ZNF66: variants seen among roughly 807,000 people sequenced by gnomAD.
ZNF66 encodes zinc finger protein 66, also known as putative zinc finger protein 66.
ZNF66 carries 32 observed loss-of-function variants against 35.2 expected under a neutral mutation model. The ratio of observed to expected loss-of-function variants is 0.91; its 90% CI spans 0.69 to 1.22. The LOEUF is 1.22. Among genes scored for constraint, ZNF66 ranks in the 50% most tolerant of loss-of-function variants. The pLI is 0.00. For synonymous variants in ZNF66, 231 were observed against 181.3 expected (o/e 1.27, Z -2.20); for missense variants, 666 against 543.1 (o/e 1.23, Z -2.25).
intron 1 of ZNF66, among the ~76,000 whole-genome samples, chr19:20,786,044 A>G (rs1971284139): frequency 6.6e-6 from 1 of 151,976 alleles, no homozygotes; most frequent in African/African-American, 2.4e-5. Context: ...CTGGGATTAC[A>G]GGTGTGAGTC....
At position 20,807,369 on chromosome 19, in the gene ZNF66, A is replaced by G; in HGVS notation, c.*47A>G. On this transcript the variant is annotated 3_prime_UTR_variant, in exon 4 of 4. Coordinates refer to ENST00000344519, the MANE Select transcript of ZNF66 (RefSeq NM_001355197.2). ...ACATAAGATAATTCATACTGGAGAGAAACCCTATGAGTTTGATGAATGTGG... is the reference window on the plus strand; with the variant it reads ...ACATAAGATAATTCATACTGGAGAGGAACCCTATGAGTTTGATGAATGTGG... The G allele has an allele frequency of 1.7e-6, 1 of 579,180 alleles. No individual in the cohort carries two copies. The highest frequency in any genetic ancestry group is 3.1e-6 in the Non-Finnish European group (1 of 323,136). 35.9% of individuals were successfully genotyped at this position (579,180 alleles called of 1,614,324 possible).
Position 20,805,124 on chromosome 19 carries a change from T to TGA in ZNF66, c.227-702_227-701insAG, listed in dbSNP as rs796709892. Among the ~76,000 whole-genome samples, 1,302 of 144,490 alleles carry TGA rather than the reference T, an allele frequency of 9.0e-3. 9 individuals are homozygous for TGA. Among genetic ancestry groups the TGA allele is most frequent in the Admixed American group, 0.017 (248 of 14,624 alleles). 94.8% of individuals were successfully genotyped at this position (144,490 alleles called of 152,430 possible). ...ATTTACATTTGTGTGTGTGTGTGTG[T>TGA]GTGAGAGAGAGAGAGAGAGAGAGAG... On this transcript the variant is annotated intron_variant, in intron 3 of 3. Coordinates refer to ENST00000344519, the MANE Select transcript of ZNF66 (RefSeq NM_001355197.2).
At chr19:20,797,764 A>G (rs1262988920) in intron 3 of ZNF66, among the ~76,000 whole-genome samples, 1 of 151,806 alleles carries the variant, frequency 6.6e-6, no homozygotes, top group East Asian at 2.0e-4. Context: ...GGGTTTCACC[A>G]TATTGGCCAG....
rs4026921 is a variant in ZNF66 at position 20,807,582 on chromosome 19, CT to C, written c.*275del. Among the ~76,000 whole-genome samples, 27,033 of 142,718 alleles carry C rather than the reference CT, an allele frequency of 0.19. 2,715 individuals are homozygous for C. Among genetic ancestry groups the C allele is most frequent in the African/African-American group, 0.3 (11,841 of 38,862 alleles). 93.6% of individuals were successfully genotyped at this position (142,718 alleles called of 152,430 possible). A position where few individuals can be genotyped will look rare whatever the true frequency, so the allele number is the denominator to read the frequency against. ...AGCCTATAACAATTTTCAATCAATT[CT>C]TTTTTTTTTTTTTTGAGATGAAGTT... On this transcript the variant is annotated 3_prime_UTR_variant, in exon 4 of 4. Transcript: ENST00000344519.
chr19:20,792,047 T>C (rs10413400), intron 1 of ZNF66, among the ~76,000 whole-genome samples: 14,160 of 151,696 alleles, frequency 0.093, 675 homozygotes, highest in Middle Eastern at 0.11. Flanking sequence ...GACAAAATAT[T>C]CTTCTTGGGC....
In ZNF66 at chr19:20,806,141, G is replaced by A. The variant is rs780827402; in HGVS notation, c.541G>A (p.Ala181Thr). The change falls in exon 4 of 4, where the codon GCT (alanine) becomes ACT (threonine). Residue 181 changes from alanine to threonine, a missense_variant. By Grantham distance (58) the Ala-to-Thr change is moderately conservative (BLOSUM62 0). Coordinates refer to ENST00000344519, the MANE Select transcript of ZNF66 (RefSeq NM_001355197.2). ...NPCKFTECGK[A>T]FNRSSTFTTH... ...TTGCAAATTTACAGAATGTGGCAAA[G>A]CTTTTAACCGGTCCTCAACCTTTAC... 7.0e-6 allele frequency: 8 copies of A among 1,136,922 alleles called. No homozygotes were observed. In the South Asian group the frequency reaches 1.0e-4, roughly 14 times the overall value. The allele number at this position is 1,136,922 out of a possible 1,614,324, so 70.4% of individuals were successfully genotyped here. A position where few individuals can be genotyped will look rare whatever the true frequency, so the allele number is the denominator to read the frequency against.
intron 1 of ZNF66, among the ~76,000 whole-genome samples, chr19:20,783,178 G>C (rs1349387406): frequency 2.6e-5 from 4 of 151,930 alleles, no homozygotes; most frequent in Non-Finnish European, 4.4e-5. Context: ...ATTATTTCTG[G>C]GCTCTCTATT....
At chr19:20,790,268 T>G (rs1360671599) in intron 1 of ZNF66, among the ~76,000 whole-genome samples, 1 of 152,156 alleles carries the variant, frequency 6.6e-6, no homozygotes, top group Non-Finnish European at 1.5e-5. Flanking sequence ...CAGGTTCTGT[T>G]TATTGTTCTG....
Position 20,807,269 on chromosome 19 carries a change from A to G in ZNF66, c.1669A>G (p.Ile557Val), listed in dbSNP as rs1432029435. Reference protein sequence around the residue: ...ISSSNLSRHEIIHMGGNPYKC... With the variant: ...ISSSNLSRHEVIHMGGNPYKC... ...ATCCTCAAACCTTAGTAGACATGAG[A>G]TAATTCATATGGGAGGGAATCCCTA... The change falls in exon 4 of 4, where the codon ATA becomes GTA. Residue 557 changes from isoleucine (I) to valine (V), a missense_variant. Ile to Val is a conservative substitution (Grantham distance 29). Coordinates refer to ENST00000344519, the MANE Select transcript of ZNF66 (RefSeq NM_001355197.2). 3 of 684,918 alleles carry G rather than the reference A, an allele frequency of 4.4e-6. No homozygotes were observed. Among genetic ancestry groups the G allele is most frequent in the Non-Finnish European group, 7.9e-6 (3 of 381,652 alleles). 42.4% of individuals were successfully genotyped at this position (684,918 alleles called of 1,614,324 possible).
intron 1 of ZNF66, among the ~76,000 whole-genome samples, chr19:20,789,622 C>G (rs187179321): frequency 6.6e-6 from 1 of 152,134 alleles, no homozygotes; most frequent in Non-Finnish European, 1.5e-5. Flanking sequence ...TAACCTCTTT[C>G]TTTCTGTATC....
At chr19:20,785,785 A>C (rs1376708767) in intron 1 of ZNF66, among the ~76,000 whole-genome samples, 1 of 150,636 alleles carries the variant, frequency 6.6e-6, no homozygotes, top group South Asian at 2.1e-4. Flanking sequence ...TTTTTGAGAT[A>C]GAGGTCTCAC....
At chr19:20,802,024 C>T (rs988278548) in intron 3 of ZNF66, among the ~76,000 whole-genome samples, 2 of 151,964 alleles carry the variant, frequency 1.3e-5, no homozygotes, top group African/African-American at 4.8e-5. Context: ...AAATTAGTAA[C>T]AATGCAGTAA....
At chr19:20,798,103 G>A (rs1599552601) in intron 3 of ZNF66, among the ~76,000 whole-genome samples, 2 of 151,970 alleles carry the variant, frequency 1.3e-5, no homozygotes, top group East Asian at 3.9e-4. Flanking sequence ...GTTTTATCTT[G>A]TCTAAGTAAG....
At chr19:20,777,452 A>ATTTTTT (rs756548895) in intron 1 of ZNF66, among the ~76,000 whole-genome samples, 3 of 123,128 alleles carry the variant, frequency 2.4e-5, no homozygotes, top group Non-Finnish European at 4.9e-5. Flanking sequence ...TTGAGCTTAG[A>ATTTTTT]TTTTTTTTTT....
chr19:20,776,307 T>G lies in ZNF66; in HGVS notation c.-141T>G, dbSNP rs1451087179. 72 of 1,374,012 alleles carry G rather than the reference T, an allele frequency of 5.2e-5. No homozygotes were observed. The highest frequency in any genetic ancestry group is 2.6e-4 in the East Asian group (11 of 43,088). The allele number at this position is 1,374,012 out of a possible 1,614,324, so 85.1% of individuals were successfully genotyped here. On this transcript the variant is annotated 5_prime_UTR_variant, in exon 1 of 4. Transcript: ENST00000344519. ...TTCCGGATTTGGCGGGGTCTTTGTC[T>G]CTCCCTGCAGCTGGAGCTCCAGGTC...
intron 1 of ZNF66, among the ~76,000 whole-genome samples, chr19:20,792,096 C>CA (rs1308457103): frequency 6.6e-6 from 1 of 151,336 alleles, no homozygotes; most frequent in Non-Finnish European, 1.5e-5. Context: ...GCTAGAAATT[C>CA]AAAAAATCAG....
At chr19:20,781,184 A>G (rs1381327081) in intron 1 of ZNF66, among the ~76,000 whole-genome samples, 2 of 152,216 alleles carry the variant, frequency 1.3e-5, no homozygotes, top group African/African-American at 2.4e-5. Flanking sequence ...AGCAAAAATC[A>G]GTCCTCTCAC....
At chr19:20,789,339 A>G (rs1971315551) in intron 1 of ZNF66, among the ~76,000 whole-genome samples, 1 of 152,174 alleles carries the variant, frequency 6.6e-6, no homozygotes, top group African/African-American at 2.4e-5. Context: ...GTCTTTCCTC[A>G]GAGAACTGAT....
intron 1 of ZNF66, among the ~76,000 whole-genome samples, chr19:20,780,067 C>T (rs1256123977): frequency 6.6e-6 from 1 of 151,882 alleles, no homozygotes; most frequent in African/African-American, 2.4e-5. Flanking sequence ...GCCAAGATCG[C>T]ATCACTGCAC....
Sources: gnomAD v4.1 joint callset for allele counts (sites outside exome capture counted in the v4.1 genomes callset) on GRCh38, gnomAD v4.1.1 for gene constraint, MANE v1.5 for transcripts, NCBI Gene and HGNC (gene_info 2026-07-23, HGNC 2026-07-21) for gene names.